The following FBN1 variants were observed in gnomAD, a reference collection of about 807,000 sequenced individuals.
FBN1 encodes the protein fibrillin 1.
In FBN1, 29 loss-of-function variants were observed where a neutral mutation model predicts 365.1. The ratio of observed to expected loss-of-function variants is 0.08; its 90% CI spans 0.06 to 0.11. The LOEUF (loss-of-function observed/expected upper bound fraction) is 0.11. Among genes scored for constraint, FBN1 ranks in the 10% least tolerant of loss-of-function variants. The pLI, the probability that FBN1 is intolerant of heterozygous loss-of-function variation, is 1.00. For synonymous variants in FBN1, 1,210 were observed against 1,270.5 expected, an observed-to-expected ratio of 0.95 and a Z score of 1.01; for missense variants, 2,476 against 3,703.2, an observed-to-expected ratio of 0.67 and a Z score of 8.60.
chr15:48,487,392 A>C lies in FBN1; in HGVS notation c.3383T>G (p.Val1128Gly). The C allele has an allele frequency of 1.2e-6, 2 of 1,614,176 alleles. No homozygotes were observed. Among genetic ancestry groups the C allele is most frequent in the South Asian group, 2.2e-5 (2 of 91,082 alleles). The change falls in exon 28 of 66, where the codon GTT (valine) becomes GGT (glycine). Residue 1128 changes from valine (V) to glycine (G), a missense_variant. Physicochemically the swap from Val to Gly is moderately radical, Grantham distance 109 (BLOSUM62 -3). Transcript: ENST00000316623. ...GTAACTTCCCTCTGTGTTATGGCAAACACCACCTCGGCATAGGAGAGGATC... is the reference window on the plus strand; with the variant it reads ...GTAACTTCCCTCTGTGTTATGGCAACCACCACCTCGGCATAGGAGAGGATC... ...QRDPLLCRGGVCHNTEGSYRC... is the reference protein window; with the variant it reads ...QRDPLLCRGGGCHNTEGSYRC...
chr15:48,546,743 A>T (rs2044096350), intron 6 of FBN1, among the ~76,000 whole-genome samples: 1 of 152,122 alleles, frequency 6.6e-6, no homozygotes, highest in Admixed American at 6.5e-5. Context: ...GAGGCTACTG[A>T]AGGATTTGAG....
intron 2 of FBN1, among the ~76,000 whole-genome samples, chr15:48,624,945 T>C (rs2140755683): frequency 6.6e-6 from 1 of 152,264 alleles, no homozygotes; most frequent in East Asian, 1.9e-4. Flanking sequence ...TTCCCAGAAA[T>C]TCTCAAACCA....
At chr15:48,435,158 T>G (rs2043056263) in intron 53 of FBN1, among the ~76,000 whole-genome samples, 1 of 152,144 alleles carries the variant, frequency 6.6e-6, no homozygotes, top group African/African-American at 2.4e-5. Context: ...TGTCTTATTA[T>G]CTCAGGTTTA....
At position 48,426,709 on chromosome 15, in the gene FBN1, G is replaced by T. The variant is rs74011803; in HGVS notation, c.7205-845C>A. On this transcript the variant is annotated intron_variant, in intron 58 of 65. Transcript: ENST00000316623. The stretch of plus-strand genomic sequence containing the variant: ...GACCTTTACAAGTCTACTCTGAAGT[G>T]CAATTTAGCACACTCTTATTGGTCT... 9.8e-3 allele frequency among the ~76,000 whole-genome samples: 1,499 copies of T among 152,192 alleles called. 25 individuals are homozygous for T. Among genetic ancestry groups the T allele is most frequent in the African/African-American group, 0.034 (1,424 of 41,520 alleles).
intron 46 of FBN1, among the ~76,000 whole-genome samples, chr15:48,447,223 C>T (rs957696509): frequency 1.3e-5 from 2 of 152,138 alleles, no homozygotes; most frequent in African/African-American, 4.8e-5. Context: ...TCAAGATTCT[C>T]ACTCCAGTTT....
chr15:48,489,904 C>T lies in FBN1; in HGVS notation c.3029G>A (p.Arg1010Lys), dbSNP rs2043542618. The stretch of plus-strand genomic sequence containing the variant: ...TTCTTTTGTGGCAAATCCGGGTCCT[C>T]TCGGACACAGCTCCTCGTACTCAGG... ...NTPEYEELCP[R>K]GPGFATKEIT... The change falls in exon 25 of 66, where the codon AGA (arginine) becomes AAA (lysine). Residue 1010 changes from arginine to lysine, a missense_variant. Coordinates refer to ENST00000316623, the MANE Select transcript of FBN1 (RefSeq NM_000138.5). 6.2e-7 allele frequency: 1 copy of T among 1,614,070 alleles called. No individual in the cohort carries two copies. Among genetic ancestry groups the T allele is most frequent in the Non-Finnish European group, 8.5e-7 (1 of 1,180,042 alleles).
chr15:48,454,039 C>T (rs1193728584), intron 44 of FBN1, among the ~76,000 whole-genome samples: 4 of 152,206 alleles, frequency 2.6e-5, no homozygotes, highest in African/African-American at 9.6e-5. Context: ...CTTGTATTTA[C>T]TCAAAGATCT....
intron 32 of FBN1, among the ~76,000 whole-genome samples, chr15:48,480,370 T>C (rs2043456799): frequency 6.6e-6 from 1 of 152,120 alleles, no homozygotes; most frequent in Non-Finnish European, 1.5e-5. Context: ...AAGCTAAAAA[T>C]AAAGCTTGAA....
intron 2 of FBN1, among the ~76,000 whole-genome samples, chr15:48,634,662 T>G (rs951156376): frequency 6.6e-6 from 1 of 152,088 alleles, no homozygotes; most frequent in African/African-American, 2.4e-5. Flanking sequence ...CTTGTTTACT[T>G]TTCTTAAGGT....
intron 36 of FBN1, among the ~76,000 whole-genome samples, 190 bp from the exon 37 acceptor site, chr15:48,468,724 G>C (rs2043343296): frequency 6.6e-6 from 1 of 152,076 alleles, no homozygotes; most frequent in African/African-American, 2.4e-5. Context: ...TATAGTCTTT[G>C]GTGGTCTTTC....
rs140605 is a variant in FBN1, at chr15:48,497,437, T to C, written c.2168-46A>G. 415,756 of 1,553,576 alleles carry C rather than the reference T, an allele frequency of 0.27. 60,799 individuals are homozygous for C. Among genetic ancestry groups the C allele is most frequent in the African/African-American group, 0.58 (42,563 of 73,536 alleles). On this transcript the variant is annotated intron_variant, in intron 18 of 65. Coordinates refer to ENST00000316623, the MANE Select transcript of FBN1 (RefSeq NM_000138.5). Reference sequence around the variant, plus strand: ...AAATCAATTAAGATTATAAAATAAATACTGAATGAATTGTTAAAAATATAA... The same window carrying C: ...AAATCAATTAAGATTATAAAATAAACACTGAATGAATTGTTAAAAATATAA...
intron 6 of FBN1, among the ~76,000 whole-genome samples, chr15:48,544,944 T>C (rs2044083911): frequency 6.6e-6 from 1 of 152,214 alleles, no homozygotes; most frequent in South Asian, 2.1e-4. Context: ...CAGAATACTT[T>C]CATTCTTAAT....
chr15:48,572,523 T>TA lies in FBN1; in HGVS notation c.538+23759dup, dbSNP rs543563373. 3.6e-3 allele frequency among the ~76,000 whole-genome samples: 510 copies of TA among 143,386 alleles called. 1 individual carries two copies. Among genetic ancestry groups the TA allele is most frequent in the African/African-American group, 0.011 (436 of 39,264 alleles). The allele number at this position is 143,386 out of a possible 152,430, so 94.1% of individuals were successfully genotyped here. On this transcript the variant is annotated intron_variant, in intron 6 of 65. Coordinates refer to ENST00000316623, the MANE Select transcript of FBN1 (RefSeq NM_000138.5). ...ATAAGCAACAATTTAATTAGTTTGT[T>TA]AAAAAAAAAAACAAAGACCCCTCAA...
Position 48,465,561 on chromosome 15 carries a change from C to T in FBN1, c.4942+7G>A, listed in dbSNP as rs1454584484. On this transcript the variant is annotated splice_region_variant and intron_variant, in intron 40 of 65. Coordinates refer to ENST00000316623, the MANE Select transcript of FBN1 (RefSeq NM_000138.5). ...CAAGACCTTATCATCCTACCAGGACCATTTACCATCACACACTCGTGTATC... is the reference window on the plus strand; with the variant it reads ...CAAGACCTTATCATCCTACCAGGACTATTTACCATCACACACTCGTGTATC... 1 of 1,613,872 alleles carries T rather than the reference C, an allele frequency of 6.2e-7. No homozygotes were observed. The highest frequency in any genetic ancestry group is 1.7e-5 in the Admixed American group (1 of 60,024).
rs1285115710 is a variant in FBN1, at chr15:48,436,985, T to C, written c.6472A>G (p.Ile2158Val). The change falls in exon 53 of 66, where the codon ATT becomes GTT. Residue 2158 changes from isoleucine to valine, a missense_variant. Physicochemically the swap from Ile to Val is conservative, Grantham distance 29. Transcript: ENST00000316623. ...CCTACACATTCATTCCCTGCTAGAATATAACCAAAGGGACACTCGCAGCGA... is the reference window on the plus strand; with the variant it reads ...CCTACACATTCATTCCCTGCTAGAACATAACCAAAGGGACACTCGCAGCGA... ...SYRCECPFGY[I>V]LAGNECVDTD... The C allele has an allele frequency of 1.2e-6, 2 of 1,608,844 alleles. No homozygotes were observed. Among genetic ancestry groups the C allele is most frequent in the Non-Finnish European group, 1.7e-6 (2 of 1,175,350 alleles).
In FBN1 at chr15:48,470,705, T is replaced by C. The variant is rs1555397413; in HGVS notation, c.4388A>G (p.Asn1463Ser). Residue 1463 changes from asparagine to serine, a missense_variant, in exon 36 of 66, where the codon AAC becomes AGC. This residue lies in a region of FBN1 where 1,780 missense variants were observed against 2,840.8 expected (regional missense o/e 0.63). Coordinates refer to ENST00000316623, the MANE Select transcript of FBN1 (RefSeq NM_000138.5). Reference protein sequence around the residue: ...PNICVFGTCHNLPGLFRCECE... With the variant: ...PNICVFGTCHSLPGLFRCECE... ...CTCACAGCGGAACAGGCCAGGGAGG[T>C]TGTGGCAAGTTCCAAAGACACAGAT... 6.2e-7 allele frequency: 1 copy of C among 1,613,806 alleles called. No individual in the cohort carries two copies. Among genetic ancestry groups the C allele is most frequent in the African/African-American group, 1.3e-5 (1 of 74,926 alleles).
intron 2 of FBN1, among the ~76,000 whole-genome samples, chr15:48,632,818 G>C (rs375965367): frequency 1.5e-4 from 23 of 152,326 alleles, no homozygotes; most frequent in African/African-American, 5.5e-4. Context: ...TTCAGGAAAT[G>C]TTCAGGCACT....
chr15:48,549,688 G>A (rs555677857), intron 6 of FBN1, among the ~76,000 whole-genome samples: 26 of 152,036 alleles, frequency 1.7e-4, no homozygotes, highest in Non-Finnish European at 3.7e-4. Flanking sequence ...GCTCAGAAAA[G>A]GTAATAATCC....
At chr15:48,608,290 A>C (rs1331379872) in intron 4 of FBN1, among the ~76,000 whole-genome samples, 2 of 152,234 alleles carry the variant, frequency 1.3e-5, no homozygotes, top group African/African-American at 2.4e-5. Flanking sequence ...TCATATAAAA[A>C]GTATAAAATT....
Sources: allele counts gnomAD v4.1 joint callset (sites outside exome capture counted in the v4.1 genomes callset), GRCh38; gene constraint gnomAD v4.1.1; regional missense constraint gnomAD v4.1.1; transcripts MANE v1.5; gene names NCBI Gene and HGNC (gene_info 2026-07-23, HGNC 2026-07-21).